ANGPTL5: variants seen among roughly 807,000 people sequenced by gnomAD.
The protein encoded by ANGPTL5 is angiopoietin-related protein 5.
ANGPTL5 carries 34 observed loss-of-function variants against 39.4 expected under a neutral mutation model. The ratio of observed to expected loss-of-function variants is 0.86; its 90% CI spans 0.66 to 1.15. The LOEUF is 1.15. Among genes scored for constraint, ANGPTL5 ranks in the 50% most tolerant of loss-of-function variants. The pLI is 0.00. For synonymous variants in ANGPTL5, 146 were observed against 152.1 expected (o/e 0.96, Z 0.29); for missense variants, 467 against 457.5 (o/e 1.02, Z -0.19).
rs369448584 is a variant in ANGPTL5, at chr11:101,904,901, C to G, written c.352G>C (p.Glu118Gln). The G allele has an allele frequency of 2.5e-6, 4 of 1,611,678 alleles. No homozygotes were observed. Among genetic ancestry groups the G allele is most frequent in the Non-Finnish European group, 3.4e-6 (4 of 1,178,116 alleles). Residue 118 changes from glutamate (E) to glutamine (Q), a missense_variant, in exon 5 of 9, where the codon GAG becomes CAG. By Grantham distance (29) the Glu-to-Gln change is conservative (BLOSUM62 2). Transcript: ENST00000334289. ...AAAAGGAGAACTCTATTCATGAGCTCGTTAACCTAAACACATGCATACACA... is the reference window on the plus strand; with the variant it reads ...AAAAGGAGAACTCTATTCATGAGCTGGTTAACCTAAACACATGCATACACA... Reference protein sequence around the residue: ...SLDYLSNQVNELMNRVLLLTT... With the variant: ...SLDYLSNQVNQLMNRVLLLTT...
At position 101,907,969 on chromosome 11, in the gene ANGPTL5, A is replaced by G; in HGVS notation, c.-60T>C. On this transcript the variant is annotated 5_prime_UTR_variant, in exon 2 of 9. Coordinates refer to ENST00000334289, the MANE Select transcript of ANGPTL5 (RefSeq NM_178127.5). ...TATCAGTCAGCTCTTTGTGGAAAGAACTACAGAGCATAGAGTCTTCAGTTA... is the reference window on the plus strand; with the variant it reads ...TATCAGTCAGCTCTTTGTGGAAAGAGCTACAGAGCATAGAGTCTTCAGTTA... The G allele has an allele frequency of 2.4e-6, 3 of 1,240,888 alleles. No individual in the cohort carries two copies. The highest frequency in any genetic ancestry group is 1.2e-5 in the South Asian group (1 of 80,698). 76.9% of individuals were successfully genotyped at this position (1,240,888 alleles called of 1,614,324 possible). A position where few individuals can be genotyped will look rare whatever the true frequency, so the allele number is the denominator to read the frequency against.
chr11:101,914,451 C>G (rs1320516653), intron 1 of ANGPTL5, among the ~76,000 whole-genome samples: 3 of 152,206 alleles, frequency 2.0e-5, no homozygotes, highest in Non-Finnish European at 2.9e-5. Flanking sequence ...TTTCCAGAAT[C>G]TGGCAGCAAT....
chr11:101,897,060 A>AGTATGGT (rs1805054195), intron 7 of ANGPTL5, among the ~76,000 whole-genome samples: 1 of 152,184 alleles, frequency 6.6e-6, no homozygotes. Flanking sequence ...AACTGGTGTG[A>AGTATGGT]GATGGTATCT....
intron 3 of ANGPTL5, among the ~76,000 whole-genome samples, chr11:101,906,307 T>C (rs1939996461): frequency 6.6e-6 from 1 of 152,168 alleles, no homozygotes; most frequent in Non-Finnish European, 1.5e-5. Context: ...ATTAAATTGC[T>C]AGCACATACA....
Position 101,896,156 on chromosome 11 carries a change from A to ATATTTATT in ANGPTL5, c.662-1100_662-1093dup, listed in dbSNP as rs55980962. On this transcript the variant is annotated intron_variant, in intron 7 of 8. Transcript: ENST00000334289. Reference sequence around the variant, plus strand: ...TTAAAAATACATTTTCTGTAATCCTATATTTATTTATTTATTTATTTATTT... The same window carrying ATATTTATT: ...TTAAAAATACATTTTCTGTAATCCTATATTTATTTATTTATTTATTTATTTATTTATTT... Among the ~76,000 whole-genome samples the ATATTTATT allele has an allele frequency of 1.5e-3, 204 of 139,690 alleles. No homozygotes were observed. The Middle Eastern group carries it at 0.015, about 10-fold the overall frequency. 91.6% of individuals were successfully genotyped at this position (139,690 alleles called of 152,430 possible).
At chr11:101,907,305 A>G (rs1256774188) in intron 2 of ANGPTL5, 58 bp from the exon 3 acceptor site, 6 of 1,079,402 alleles carry the variant, frequency 5.6e-6, no homozygotes, top group Non-Finnish European at 7.9e-6. Flanking sequence ...ATATGACCTA[A>G]TACATAATAA....
intron 6 of ANGPTL5, among the ~76,000 whole-genome samples, chr11:101,900,751 A>C (rs775007996): frequency 2.6e-5 from 4 of 152,210 alleles, no homozygotes; most frequent in Non-Finnish European, 4.4e-5. Context: ...CAAACCTGTA[A>C]TTAACCTAAA....
chr11:101,894,785 T>C (rs999235551), intron 8 of ANGPTL5, 94 bp downstream of exon 8: 24 of 1,201,056 alleles, frequency 2.0e-5, no homozygotes, highest in Non-Finnish European at 2.9e-5. Context: ...TTATGTGTTA[T>C]ATACAAAGAC....
rs778018097 is a variant in ANGPTL5 at position 101,907,213 on chromosome 11, G to T, written c.131C>A (p.Ser44Tyr). The T allele has an allele frequency of 2.6e-6, 4 of 1,546,182 alleles. No individual in the cohort carries two copies. Among genetic ancestry groups the T allele is most frequent in the Non-Finnish European group, 3.6e-6 (4 of 1,124,660 alleles). The change falls in exon 3 of 9, where the codon TCT becomes TAT. Residue 44 changes from serine to tyrosine, a missense_variant. Coordinates refer to ENST00000334289, the MANE Select transcript of ANGPTL5 (RefSeq NM_178127.5). ...SSVVNIVEDG[S>Y]NAKDESKSND... ...ACTTTTACTTTCATCTTTTGCATTA[G>T]ATCCATCTTCTACAATGTTAACTAC...
Position 101,915,027 on chromosome 11 carries a change from C to G in ANGPTL5, c.-93+992G>C, listed in dbSNP as rs1940167228. The G allele has an allele frequency of 3.5e-5, 15 of 428,696 alleles. No homozygotes were observed. In the South Asian group the frequency reaches 8.0e-4, roughly 23 times the overall value. 26.6% of individuals were successfully genotyped at this position (428,696 alleles called of 1,614,324 possible). A position where few individuals can be genotyped will look rare whatever the true frequency, so the allele number is the denominator to read the frequency against. On this transcript the variant is annotated intron_variant, in intron 1 of 8. Coordinates refer to ENST00000334289, the MANE Select transcript of ANGPTL5 (RefSeq NM_178127.5). ...TCAAGGACGCGCCGTCGGTTGTTGTCAAGATGGCGGCTGCAGGGTTGCTGC... is the reference window on the plus strand; with the variant it reads ...TCAAGGACGCGCCGTCGGTTGTTGTGAAGATGGCGGCTGCAGGGTTGCTGC...
At position 101,900,519 on chromosome 11, in the gene ANGPTL5, C is replaced by T. The variant is rs1939874824; in HGVS notation, c.572G>A (p.Gly191Glu). The T allele has an allele frequency of 3.1e-6, 5 of 1,611,432 alleles. No individual in the cohort carries two copies. The highest frequency in any genetic ancestry group is 4.2e-6 in the Non-Finnish European group (5 of 1,177,892). ...VMCDMDYRGG[G>E]RTVIQKRIDG... ...AATTCTTTTCTGTATCACAGTCCGTCCACCTCCTCTGTAATCCATGTCACA... is the reference window on the plus strand; with the variant it reads ...AATTCTTTTCTGTATCACAGTCCGTTCACCTCCTCTGTAATCCATGTCACA... The change falls in exon 7 of 9, where the codon GGA becomes GAA. Residue 191 changes from glycine (G) to glutamate (E), a missense_variant. Gly to Glu is a moderately conservative substitution (Grantham distance 98). Transcript: ENST00000334289.
chr11:101,896,532 G>A (rs992218547), intron 7 of ANGPTL5, among the ~76,000 whole-genome samples: 1 of 152,022 alleles, frequency 6.6e-6, no homozygotes, highest in Non-Finnish European at 1.5e-5. Context: ...ACAGGCTCCT[G>A]TGTGTGATGT....
chr11:101,896,156 A>ATATTTATTTATT (rs55980962), intron 7 of ANGPTL5, among the ~76,000 whole-genome samples: 7 of 139,692 alleles, frequency 5.0e-5, no homozygotes, highest in Non-Finnish European at 7.7e-5. Flanking sequence ...CTGTAATCCT[A>ATATTTATTTATT]TATTTATTTA....
rs73589042 is a variant in ANGPTL5, at chr11:101,905,906, T to A, written c.242-59A>T. ...ATATTGTTACAGAAAACAATTACAGTGAAAAATAGTGAATTTTACCTGATT... is the reference window on the plus strand; with the variant it reads ...ATATTGTTACAGAAAACAATTACAGAGAAAAATAGTGAATTTTACCTGATT... On this transcript the variant is annotated intron_variant, in intron 3 of 8. Transcript: ENST00000334289. The A allele has an allele frequency of 3.2e-3, 2,991 of 948,098 alleles. 58 individuals are homozygous for A. In the African/African-American group the frequency reaches 0.043, roughly 14 times the overall value. 58.7% of individuals were successfully genotyped at this position (948,098 alleles called of 1,614,324 possible).
intron 7 of ANGPTL5, among the ~76,000 whole-genome samples, chr11:101,900,056 T>C (rs1227276249): frequency 6.6e-6 from 1 of 152,222 alleles, no homozygotes; most frequent in Non-Finnish European, 1.5e-5. Flanking sequence ...TTCATTGGCT[T>C]GTATAGATAC....
intron 1 of ANGPTL5, among the ~76,000 whole-genome samples, chr11:101,910,671 T>C (rs185559891): frequency 6.6e-6 from 1 of 152,232 alleles, no homozygotes; most frequent in East Asian, 1.9e-4. Flanking sequence ...TCCAATTGTT[T>C]GAGCCAAAAA....
Position 101,894,876 on chromosome 11 carries a change from T to C in ANGPTL5, c.847+3A>G. 1.9e-6 allele frequency: 3 copies of C among 1,610,230 alleles called. No homozygotes were observed. The highest frequency in any genetic ancestry group is 2.5e-6 in the Non-Finnish European group (3 of 1,176,762). On this transcript the variant is annotated splice_donor_region_variant and intron_variant, in intron 8 of 8. Transcript: ENST00000334289. ...ATAATTTTAGGAATAAAAAAAATCT[T>C]ACCAGCATTTCCTGAATACCGTCCT...
intron 8 of ANGPTL5, among the ~76,000 whole-genome samples, chr11:101,894,652 A>G (rs928345323): frequency 2.0e-5 from 3 of 152,188 alleles, no homozygotes; most frequent in African/African-American, 7.2e-5. Flanking sequence ...GAGATTACAT[A>G]AGGCAAATTG....
intron 2 of ANGPTL5, among the ~76,000 whole-genome samples, chr11:101,907,603 A>G (rs1206701407): frequency 2.6e-5 from 4 of 152,090 alleles, no homozygotes; most frequent in African/African-American, 9.7e-5. Flanking sequence ...TCTTCAAAAT[A>G]TTTTCATATC....
Sources: allele counts gnomAD v4.1 joint callset (sites outside exome capture counted in the v4.1 genomes callset), GRCh38; gene constraint gnomAD v4.1.1; transcripts MANE v1.5; gene names NCBI Gene and HGNC (gene_info 2026-07-23, HGNC 2026-07-21).